NBEA: variants seen among roughly 807,000 people sequenced by gnomAD.
NBEA encodes lysosomal-trafficking regulator 2.
Under a neutral mutation model 343.4 loss-of-function variants are expected in NBEA, and 44 were observed. The observed-to-expected ratio is 0.13, with a 90% CI of 0.10 to 0.16. The LOEUF is 0.16. NBEA is among the 10% of genes least tolerant of loss of function. The pLI, the probability that NBEA is intolerant of heterozygous loss-of-function variation, is 1.00. For synonymous variants in NBEA, 1,175 were observed against 1,238.7 expected (o/e 0.95, Z 1.08); for missense variants, 2,555 against 3,631.3 (o/e 0.70, Z 7.62).
chr13:35,209,398 A>C (rs990442610), intron 32 of NBEA, among the ~76,000 whole-genome samples: 1 of 152,208 alleles, frequency 6.6e-6, no homozygotes, highest in South Asian at 2.1e-4. Context: ...ATTCATATAC[A>C]TAGATTATAA....
At chr13:35,285,753 T>A (rs1487797233) in intron 34 of NBEA, among the ~76,000 whole-genome samples, 2 of 152,302 alleles carry the variant, frequency 1.3e-5, no homozygotes, top group East Asian at 3.9e-4. Context: ...AAAGTGGTCT[T>A]TCCAAAATAG....
chr13:35,291,530 C>A (rs890998445), intron 35 of NBEA, among the ~76,000 whole-genome samples: 1 of 151,824 alleles, frequency 6.6e-6, no homozygotes, highest in East Asian at 1.9e-4. Flanking sequence ...GTGAGGAGGT[C>A]GTCTGCAGGG....
intron 27 of NBEA, among the ~76,000 whole-genome samples, chr13:35,176,506 T>A (rs1338082237): frequency 6.6e-6 from 1 of 152,082 alleles, no homozygotes; most frequent in Admixed American, 6.6e-5. Context: ...CAATCTTTAA[T>A]GTCTTTCAGC....
intron 40 of NBEA, among the ~76,000 whole-genome samples, chr13:35,469,788 A>C (rs1285966734): frequency 6.6e-6 from 1 of 152,220 alleles, no homozygotes; most frequent in Non-Finnish European, 1.5e-5. Context: ...CTAGATCACC[A>C]TCTCACCATC....
chr13:35,661,234 G>C (rs1345348103), intron 55 of NBEA, among the ~76,000 whole-genome samples: 2 of 152,214 alleles, frequency 1.3e-5, no homozygotes, highest in Admixed American at 1.3e-4. Flanking sequence ...GCAGAGCCCA[G>C]CTTCCTGAGG....
intron 37 of NBEA, among the ~76,000 whole-genome samples, chr13:35,350,728 A>ACG (rs1555235756): frequency 7.3e-6 from 1 of 137,846 alleles, no homozygotes; most frequent in East Asian, 2.2e-4. Context: ...AGAGCTATTG[A>ACG]TGTGTGTGTG....
intron 41 of NBEA, among the ~76,000 whole-genome samples, chr13:35,497,572 A>G (rs1182796667): frequency 1.3e-5 from 2 of 152,090 alleles, no homozygotes; most frequent in African/African-American, 4.8e-5. Context: ...ATTAATTTGC[A>G]TATCAGCAAG....
intron 34 of NBEA, among the ~76,000 whole-genome samples, chr13:35,238,337 GAA>G: frequency 6.6e-6 from 1 of 152,296 alleles, no homozygotes; most frequent in East Asian, 1.9e-4. Flanking sequence ...AAATGGGAGA[GAA>G]AAGTCAGTAA....
At position 35,594,738 on chromosome 13, in the gene NBEA, C is replaced by G. The variant is rs1423268537; in HGVS notation, c.7296+1291C>G. Among the ~76,000 whole-genome samples, 3 of 151,844 alleles carry G rather than the reference C, an allele frequency of 2.0e-5. No homozygotes were observed. In the East Asian group the frequency reaches 5.8e-4, roughly 29 times the overall value. ...GAGAATTAATACAGAAAATGGGAGT[C>G]CATAGGCTCCCATTGAACAGTAGTA... On this transcript the variant is annotated intron_variant, in intron 47 of 58. Coordinates refer to ENST00000379939, the MANE Select transcript of NBEA (RefSeq NM_001385012.1).
At position 35,089,282 on chromosome 13, in the gene NBEA, T is replaced by A. The variant is rs1485033632; in HGVS notation, c.1572-9015T>A. Among the ~76,000 whole-genome samples, 353 of 145,540 alleles carry A rather than the reference T, an allele frequency of 2.4e-3. 2 individuals carry two copies. The highest frequency in any genetic ancestry group is 8.7e-3 in the African/African-American group (340 of 39,030). ...ACAGACACTTCTCAAAAGAAGACAT[T>A]TATGCAGCCAAAAAACACATGAAAA... is the stretch of plus-strand genomic sequence containing the variant. On this transcript the variant is annotated intron_variant, in intron 10 of 58. Coordinates refer to ENST00000379939, the MANE Select transcript of NBEA (RefSeq NM_001385012.1).
At chr13:35,478,436 A>G (rs1315475578) in intron 41 of NBEA, among the ~76,000 whole-genome samples, 9 of 152,054 alleles carry the variant, frequency 5.9e-5, no homozygotes, top group African/African-American at 9.7e-5. Flanking sequence ...TGCAGCCACG[A>G]CGGCGAGGAT....
rs772501741 is a variant in NBEA at position 35,232,515 on chromosome 13, C to T, written c.5672C>T (p.Ala1891Val). The T allele has an allele frequency of 1.7e-5, 26 of 1,546,634 alleles. No homozygotes were observed. Among genetic ancestry groups the T allele is most frequent in the African/African-American group, 4.1e-5 (3 of 72,894 alleles). Residue 1891 changes from alanine (A) to valine (V), a missense_variant, in exon 34 of 59, where the codon GCG becomes GTG. This residue lies in a region of NBEA where 84 missense variants were observed against 196.4 expected (regional missense o/e 0.43). Coordinates refer to ENST00000379939, the MANE Select transcript of NBEA (RefSeq NM_001385012.1). The part of the protein sequence containing the change: ...NMSITAKLER[A>V]LEKVAPLLRE... ...AGCATCACTGCAAAACTTGAAAGAG[C>T]GTTAGAAAAAGTTGCTCCTCTTCTT...
At chr13:35,128,373 T>A (rs2067240523) in intron 17 of NBEA, among the ~76,000 whole-genome samples, 1 of 152,100 alleles carries the variant, frequency 6.6e-6, no homozygotes, top group Non-Finnish European at 1.5e-5. Flanking sequence ...AACTAGAAAT[T>A]ACAGGAGAAA....
chr13:35,483,270 G>T (rs1185599432), intron 41 of NBEA, among the ~76,000 whole-genome samples: 1 of 151,888 alleles, frequency 6.6e-6, no homozygotes, highest in African/African-American at 2.4e-5. Context: ...AAATATGCAA[G>T]TAAGAATGGG....
chr13:35,327,388 A>G (rs965044372), intron 36 of NBEA, among the ~76,000 whole-genome samples: 1 of 152,096 alleles, frequency 6.6e-6, no homozygotes, highest in Non-Finnish European at 1.5e-5. Context: ...GGTGCCCATC[A>G]GTGGTGGATT....
At chr13:35,135,900 C>G (rs1160646550) in intron 17 of NBEA, among the ~76,000 whole-genome samples, 3 of 151,530 alleles carry the variant, frequency 2.0e-5, no homozygotes, top group Non-Finnish European at 4.4e-5. Flanking sequence ...ACCATATCAC[C>G]ACACCCAGCC....
chr13:35,036,993 CCTAT>C (rs1190023331), intron 1 of NBEA, among the ~76,000 whole-genome samples: 2 of 152,102 alleles, frequency 1.3e-5, no homozygotes, highest in East Asian at 1.9e-4. Flanking sequence ...ACTTTCTACA[CCTAT>C]CTGTTTCTTT....
chr13:35,159,852 A>G lies in NBEA; in HGVS notation c.3681A>G (p.Ser1227=), dbSNP rs41292195. The change falls in exon 22 of 59, where the codon TCA becomes TCG. Residue 1227 remains serine (S), a synonymous_variant. Coordinates refer to ENST00000379939, the MANE Select transcript of NBEA (RefSeq NM_001385012.1). ...GTATTTCTGAAAGAGACTTAGCGTC[A>G]TCAACTAAGGGGCTGGAGTATGCTG... ...MSSISERDLA[S]STKGLEYAEM... is the part of the protein sequence containing the mutation. 290 of 1,607,276 alleles carry G rather than the reference A, an allele frequency of 1.8e-4. No individual in the cohort carries two copies. Among genetic ancestry groups the G allele is most frequent in the Non-Finnish European group, 2.4e-4 (285 of 1,176,514 alleles).
chr13:35,235,624 G>A (rs953127538), intron 34 of NBEA, among the ~76,000 whole-genome samples: 5 of 152,202 alleles, frequency 3.3e-5, no homozygotes, highest in African/African-American at 1.2e-4. Flanking sequence ...GTGATAGTCT[G>A]TGGCAATTTT....
Sources: allele counts gnomAD v4.1 joint callset (sites outside exome capture counted in the v4.1 genomes callset), GRCh38; gene constraint gnomAD v4.1.1; regional missense constraint gnomAD v4.1.1; transcripts MANE v1.5; gene names NCBI Gene and HGNC (gene_info 2026-07-23, HGNC 2026-07-21).